RAVER2: variants seen among roughly 807,000 people sequenced by gnomAD.
The protein encoded by RAVER2 is ribonucleoprotein, PTB binding 2.
Under a neutral mutation model 78.1 loss-of-function variants are expected in RAVER2, and 46 were observed. That is an observed-to-expected ratio of 0.59 (90% CI 0.46 to 0.75). The LOEUF is 0.75. Among genes scored for constraint, RAVER2 ranks in the 30% least tolerant of loss-of-function variants. The probability of loss-of-function intolerance (pLI) is 0.00; values close to 1 mark genes in which losing one functional copy is unlikely to be tolerated. For synonymous variants in RAVER2, 311 were observed against 313.3 expected (o/e 0.99, Z 0.08); for missense variants, 793 against 837.5 (o/e 0.95, Z 0.66).
At chr1:64,805,236 G>A (rs1029162257) in intron 8 of RAVER2, 131 bp downstream of exon 8, 2 of 804,604 alleles carry the variant, frequency 2.5e-6, no homozygotes, top group East Asian at 5.4e-5. Flanking sequence ...AAAATTTTGA[G>A]AACCCTCTTG....
chr1:64,788,608 T>A (rs1429862210), intron 4 of RAVER2, among the ~76,000 whole-genome samples: 1 of 151,790 alleles, frequency 6.6e-6, no homozygotes, highest in Non-Finnish European at 1.5e-5. Flanking sequence ...CTGGCTAACA[T>A]GGTGAAACCC....
intron 11 of RAVER2, among the ~76,000 whole-genome samples, chr1:64,825,641 G>A (rs899288992): frequency 2.0e-5 from 3 of 152,046 alleles, no homozygotes; most frequent in African/African-American, 7.2e-5. Flanking sequence ...CAATTCTTAC[G>A]ATGGCTTTGA....
chr1:64,753,673 G>A (rs1371778535), intron 1 of RAVER2, among the ~76,000 whole-genome samples: 2 of 151,390 alleles, frequency 1.3e-5, no homozygotes, highest in Admixed American at 6.6e-5. Flanking sequence ...ACAGGCGCCC[G>A]CCACCACACC....
At chr1:64,807,430 AAGC>A (rs940612207) in exon 9 of RAVER2, 4 of 1,614,104 alleles carry the variant, frequency 2.5e-6, no homozygotes, top group Non-Finnish European at 3.4e-6. Flanking sequence ...GGGACACCAT[AAGC>A]AGCAGCAAAG....
intron 11 of RAVER2, among the ~76,000 whole-genome samples, chr1:64,826,377 G>A (rs551379071): frequency 6.6e-6 from 1 of 152,274 alleles, no homozygotes; most frequent in East Asian, 1.9e-4. Context: ...ACTGATTCTT[G>A]GGCAAAGACC....
At chr1:64,766,026 C>T (rs760645064) in intron 1 of RAVER2, among the ~76,000 whole-genome samples, 56 of 152,228 alleles carry the variant, frequency 3.7e-4, no homozygotes, top group Non-Finnish European at 4.3e-4. Context: ...GGGGTGATGA[C>T]GTCATTGACT....
intron 5 of RAVER2, among the ~76,000 whole-genome samples, chr1:64,798,869 G>A (rs1653177764): frequency 1.3e-5 from 2 of 152,096 alleles, no homozygotes; most frequent in Admixed American, 1.3e-4. Flanking sequence ...TATATAATCT[G>A]TAATAATCAA....
chr1:64,754,489 C>T (rs1208167359), intron 1 of RAVER2, among the ~76,000 whole-genome samples: 1 of 152,204 alleles, frequency 6.6e-6, no homozygotes, highest in Non-Finnish European at 1.5e-5. Flanking sequence ...CCCCGGCACA[C>T]TCTCAGGATT....
At chr1:64,832,856 G>A (rs540202846) in exon 12 of RAVER2, 1 of 152,364 alleles carries the variant, frequency 6.6e-6, no homozygotes, top group East Asian at 1.9e-4. Flanking sequence ...CCTCTTCAAT[G>A]CTTAGTCACA....
chr1:64,827,834 A>G (rs761241826), intron 11 of RAVER2, among the ~76,000 whole-genome samples: 13 of 152,200 alleles, frequency 8.5e-5, no homozygotes, highest in Non-Finnish European at 1.6e-4. Flanking sequence ...CTTCATTGCC[A>G]TACTTTTTAC....
At chr1:64,819,257 ATAAAG>A (rs1178841204) in intron 11 of RAVER2, among the ~76,000 whole-genome samples, 5 of 152,198 alleles carry the variant, frequency 3.3e-5, no homozygotes, top group African/African-American at 9.6e-5. Flanking sequence ...TTAAAAGAAA[ATAAAG>A]TAATAATGAA....
intron 4 of RAVER2, among the ~76,000 whole-genome samples, chr1:64,784,180 T>C (rs1652714582): frequency 6.6e-6 from 1 of 152,158 alleles, no homozygotes; most frequent in African/African-American, 2.4e-5. Flanking sequence ...GCCCAGGAAC[T>C]CGAGACTAGT....
intron 5 of RAVER2, among the ~76,000 whole-genome samples, chr1:64,799,740 C>T (rs1226031352): frequency 6.6e-6 from 1 of 152,032 alleles, no homozygotes; most frequent in Non-Finnish European, 1.5e-5. Context: ...TGCACCTGGC[C>T]GTGATTTCCT....
chr1:64,788,237 C>G (rs1474286814), intron 4 of RAVER2, among the ~76,000 whole-genome samples: 1 of 152,012 alleles, frequency 6.6e-6, no homozygotes, highest in Non-Finnish European at 1.5e-5. Context: ...CTTTGGGAGG[C>G]CGAGGTGGGT....
At chr1:64,812,878 G>A (rs767242096) in intron 10 of RAVER2, 29 bp downstream of exon 10, 11 of 1,464,488 alleles carry the variant, frequency 7.5e-6, no homozygotes. Flanking sequence ...TTCTTGTTGT[G>A]GAGTTTTACT....
chr1:64,809,430 T>C (rs1029732384), intron 9 of RAVER2, among the ~76,000 whole-genome samples: 1 of 152,002 alleles, frequency 6.6e-6, no homozygotes, highest in African/African-American at 2.4e-5. Context: ...ATCTTTAATA[T>C]TGTGTTGGCC....
At chr1:64,765,748 G>T (rs1652158840) in intron 1 of RAVER2, among the ~76,000 whole-genome samples, 1 of 151,960 alleles carries the variant, frequency 6.6e-6, no homozygotes, top group Non-Finnish European at 1.5e-5. Context: ...TTTGGTGTTT[G>T]GTGTTTCATC....
At chr1:64,767,267 G>C (rs942236025) in intron 1 of RAVER2, among the ~76,000 whole-genome samples, 1 of 151,950 alleles carries the variant, frequency 6.6e-6, no homozygotes, top group East Asian at 1.9e-4. Flanking sequence ...TAGGGCACTC[G>C]TGGTATTGTT....
chr1:64,832,745 A>T (rs1409141254), exon 12 of RAVER2: 1 of 152,190 alleles, frequency 6.6e-6, no homozygotes, highest in African/African-American at 2.4e-5. Context: ...TACTACCTAT[A>T]AGTAACTGAT....
Sources: allele counts gnomAD v4.1 joint callset (sites outside exome capture counted in the v4.1 genomes callset), GRCh38; gene constraint gnomAD v4.1.1; transcripts MANE v1.5; gene names NCBI Gene and HGNC (gene_info 2026-07-23, HGNC 2026-07-21).